The following RCN1 variants were observed in gnomAD, a reference collection of about 807,000 sequenced individuals.
RCN1 encodes the protein reticulocalbin-1.
RCN1 carries 14 observed loss-of-function variants against 34.7 expected under a neutral mutation model. That is an observed-to-expected ratio of 0.40 (90% CI 0.27 to 0.63). The LOEUF (loss-of-function observed/expected upper bound fraction) is 0.63. Among genes scored for constraint, RCN1 ranks in the 30% least tolerant of loss-of-function variants. RCN1 has a pLI of 0.37. For synonymous variants in RCN1, 125 were observed against 165.5 expected (o/e 0.76, Z 1.88); for missense variants, 326 against 425.1 (o/e 0.77, Z 2.05).
chr11:32,091,681 G>C (rs1425008868), intron 1 of RCN1: 1 of 542,374 alleles, frequency 1.8e-6, no homozygotes, highest in Non-Finnish European at 3.1e-6. Context: ...GTTTCTCGCG[G>C]GGAGGCGAGA....
At chr11:32,097,424 C>A (rs956546464) in intron 2 of RCN1, 87 bp downstream of exon 2, 23 of 952,200 alleles carry the variant, frequency 2.4e-5, no homozygotes, top group Non-Finnish European at 3.4e-5. Context: ...CATATCCACT[C>A]CCTTCAGGGA....
chr11:32,104,378 C>G lies in RCN1; in HGVS notation c.902C>G (p.Thr301Ser). The change falls in exon 6 of 6, where the codon ACT (threonine) becomes AGT (serine). Residue 301 changes from threonine to serine, a missense_variant. Transcript: ENST00000054950. ...ESDKNKDEKL[T>S]KEEILENWNM... ...TCTCTTCTATAGGATGAGAAGCTAACTAAAGAGGAAATATTGGAGAACTGG... is the reference window on the plus strand; with the variant it reads ...TCTCTTCTATAGGATGAGAAGCTAAGTAAAGAGGAAATATTGGAGAACTGG... The G allele has an allele frequency of 6.4e-7, 1 of 1,570,926 alleles. No homozygotes were observed. Among genetic ancestry groups the G allele is most frequent in the Non-Finnish European group, 8.8e-7 (1 of 1,141,248 alleles).
At chr11:32,093,887 T>A (rs1277134413) in intron 1 of RCN1, among the ~76,000 whole-genome samples, 1 of 152,020 alleles carries the variant, frequency 6.6e-6, no homozygotes, top group Non-Finnish European at 1.5e-5. Context: ...AGGGGCTTGG[T>A]CTCTCCGGAT....
Sources: gnomAD v4.1 joint callset for allele counts (sites outside exome capture counted in the v4.1 genomes callset) on GRCh38, gnomAD v4.1.1 for gene constraint, MANE v1.5 for transcripts, NCBI Gene and HGNC (gene_info 2026-07-23, HGNC 2026-07-21) for gene names.